WDPCP: variants seen among roughly 807,000 people sequenced by gnomAD.
WDPCP encodes WD repeat containing planar cell polarity effector, also known as WD repeat-containing and planar cell polarity effector protein fritz homolog.
A neutral mutation model predicts 93.1 loss-of-function variants in WDPCP; 71 were observed. The observed-to-expected ratio is 0.76, with a 90% CI of 0.63 to 0.93. The LOEUF (loss-of-function observed/expected upper bound fraction) is 0.93, where lower values mean the gene tolerates loss of function less well. Ranked by LOEUF, WDPCP falls within the 40% of genes least tolerant of loss-of-function variation. WDPCP has a pLI of 0.00. For synonymous variants in WDPCP, 315 were observed against 315.0 expected (o/e 1.00, Z 0.00); for missense variants, 844 against 887.4 (o/e 0.95, Z 0.62).
the WDPCP span, among the ~76,000 whole-genome samples, chr2:63,836,659 T>C: frequency 6.6e-6 from 1 of 152,178 alleles, no homozygotes; most frequent in Non-Finnish European, 1.5e-5. Flanking sequence ...ATGGCTCTAT[T>C]GCCTCTATCA....
intron 9 of WDPCP, among the ~76,000 whole-genome samples, chr2:63,420,782 A>G (rs1272472740): frequency 1.3e-5 from 2 of 152,160 alleles, no homozygotes; most frequent in Non-Finnish European, 2.9e-5. Flanking sequence ...TTCTTTTCAG[A>G]TTTCACATGA....
intron 12 of WDPCP, among the ~76,000 whole-genome samples, chr2:63,315,996 C>T (rs1395487814): frequency 1.3e-5 from 2 of 151,760 alleles, no homozygotes; most frequent in Non-Finnish European, 2.9e-5. Context: ...TCCATGAGCT[C>T]GAGTGATCTT....
chr2:63,137,685 TG>T (rs1431308215), intron 17 of WDPCP, among the ~76,000 whole-genome samples: 1 of 152,194 alleles, frequency 6.6e-6, no homozygotes, highest in East Asian at 1.9e-4. Context: ...TTTATAGTTT[TG>T]GGTTTTACAT....
chr2:63,151,614 T>G (rs769977758), intron 17 of WDPCP, among the ~76,000 whole-genome samples: 2 of 152,210 alleles, frequency 1.3e-5, no homozygotes, highest in Non-Finnish European at 2.9e-5. Flanking sequence ...TCTTGAAGCT[T>G]TCGCAAATTA....
chr2:63,592,083 T>A (rs1709210607), upstream of WDPCP, among the ~76,000 whole-genome samples: 1 of 152,218 alleles, frequency 6.6e-6, no homozygotes, highest in African/African-American at 2.4e-5. Flanking sequence ...TTTAGAAAAT[T>A]GGTGTATCCT....
At chr2:63,459,065 G>C (rs1243565018) in intron 6 of WDPCP, among the ~76,000 whole-genome samples, 1 of 151,992 alleles carries the variant, frequency 6.6e-6, no homozygotes, top group Non-Finnish European at 1.5e-5. Flanking sequence ...ACAATATACA[G>C]AAGTCAACTC....
intron 2 of WDPCP, among the ~76,000 whole-genome samples, chr2:63,763,810 A>T (rs1222842065): frequency 2.6e-5 from 4 of 152,158 alleles, no homozygotes; most frequent in Non-Finnish European, 5.9e-5. Context: ...TTTTAAAAAT[A>T]GAATCTTTAA....
chr2:63,329,380 T>G (rs909652019), intron 12 of WDPCP, among the ~76,000 whole-genome samples: 1 of 152,194 alleles, frequency 6.6e-6, no homozygotes, highest in African/African-American at 2.4e-5. Context: ...AAAATGATAC[T>G]CTATTTATGT....
At chr2:63,212,149 C>A (rs1219735147) in intron 14 of WDPCP, among the ~76,000 whole-genome samples, 3 of 152,016 alleles carry the variant, frequency 2.0e-5, no homozygotes, top group African/African-American at 7.2e-5. Flanking sequence ...AAGAGCAACT[C>A]CAGGACACAA....
chr2:63,416,343 G>A (rs1205739390), intron 9 of WDPCP, among the ~76,000 whole-genome samples: 16 of 151,636 alleles, frequency 1.1e-4, no homozygotes, highest in Admixed American at 9.2e-4. Context: ...GCGATTACAG[G>A]TGCACACCAC....
chr2:63,556,313 G>A (rs1228566418), intron 1 of WDPCP, among the ~76,000 whole-genome samples: 1 of 152,132 alleles, frequency 6.6e-6, no homozygotes, highest in African/African-American at 2.4e-5. Context: ...AGAATGAAAA[G>A]GAACGAACAA....
chr2:63,322,120 G>A (rs1687150361), intron 12 of WDPCP, among the ~76,000 whole-genome samples: 1 of 152,076 alleles, frequency 6.6e-6, no homozygotes, highest in Non-Finnish European at 1.5e-5. Context: ...TAACAGGTAG[G>A]GGGCTTGGAG....
intron 9 of WDPCP, among the ~76,000 whole-genome samples, chr2:63,427,878 A>G (rs1696440040): frequency 6.6e-6 from 1 of 152,188 alleles, no homozygotes. Flanking sequence ...GCAGAATCAG[A>G]AATGACAAAG....
intron 2 of WDPCP, among the ~76,000 whole-genome samples, chr2:63,692,656 A>C (rs1668907175): frequency 6.6e-6 from 1 of 152,232 alleles, no homozygotes; most frequent in Non-Finnish European, 1.5e-5. Flanking sequence ...TCTCTTTTAG[A>C]TAGGCCTTAA....
At chr2:63,242,974 C>G (rs1679977555) in intron 14 of WDPCP, among the ~76,000 whole-genome samples, 1 of 152,062 alleles carries the variant, frequency 6.6e-6, no homozygotes, top group African/African-American at 2.4e-5. Context: ...TACCAGCATG[C>G]CTTACCAGTC....
intron 2 of WDPCP, among the ~76,000 whole-genome samples, chr2:63,688,678 C>A (rs2103660804): frequency 6.6e-6 from 1 of 152,058 alleles, no homozygotes; most frequent in South Asian, 2.1e-4. Flanking sequence ...GTGATGGATA[C>A]CCCCATTACC....
chr2:63,124,588 G>A (rs1470958812), intron 17 of WDPCP, among the ~76,000 whole-genome samples: 2 of 152,134 alleles, frequency 1.3e-5, no homozygotes, highest in Non-Finnish European at 2.9e-5. Context: ...ACTTAATGCA[G>A]ATTTTTAAAT....
At chr2:63,728,627 G>A (rs1236118777) in intron 2 of WDPCP, among the ~76,000 whole-genome samples, 1 of 152,116 alleles carries the variant, frequency 6.6e-6, no homozygotes, top group African/African-American at 2.4e-5. Context: ...GTACAGATGA[G>A]GAGACTGAGG....
chr2:63,123,592 C>T (rs1457351773), intron 17 of WDPCP, among the ~76,000 whole-genome samples: 2 of 152,162 alleles, frequency 1.3e-5, no homozygotes, highest in East Asian at 3.9e-4. Context: ...GACTTCAGGG[C>T]ATTTCCAAGG....
Sources: gnomAD v4.1 joint callset for allele counts (sites outside exome capture counted in the v4.1 genomes callset) on GRCh38, gnomAD v4.1.1 for gene constraint, MANE v1.5 for transcripts, NCBI Gene and HGNC (gene_info 2026-07-23, HGNC 2026-07-21) for gene names.